The following ERC2 variants were observed in gnomAD, a reference collection of about 807,000 sequenced individuals.
ERC2 encodes ERC protein 2.
In ERC2, 42 loss-of-function variants were observed where a neutral mutation model predicts 114.8. That is an observed-to-expected ratio of 0.37 (90% confidence interval 0.29 to 0.47). The LOEUF (loss-of-function observed/expected upper bound fraction) is 0.47, where lower values mean the gene tolerates loss of function less well. Among genes scored for constraint, ERC2 ranks in the 20% least tolerant of loss-of-function variants. The pLI, the probability that ERC2 is intolerant of heterozygous loss-of-function variation, is 0.99. For synonymous variants in ERC2, 454 were observed against 425.5 expected, an observed-to-expected ratio of 1.07 and a Z score of -0.82; for missense variants, 939 against 1,150.7, an observed-to-expected ratio of 0.82 and a Z score of 2.66.
At chr3:55,899,547 AC>A (rs1349722307) in intron 13 of ERC2, among the ~76,000 whole-genome samples, 1 of 152,110 alleles carries the variant, frequency 6.6e-6, no homozygotes, top group African/African-American at 2.4e-5. Flanking sequence ...TAAAAGTGTT[AC>A]AAAGAAATTA....
intron 13 of ERC2, among the ~76,000 whole-genome samples, chr3:55,909,501 C>T (rs145153313): frequency 5.3e-5 from 8 of 151,986 alleles, no homozygotes; most frequent in Admixed American, 2.0e-4. Context: ...TTTCTGCCTG[C>T]GGTGGCTGTG....
chr3:55,854,359 T>C (rs1230740245), intron 14 of ERC2, among the ~76,000 whole-genome samples: 2 of 151,278 alleles, frequency 1.3e-5, no homozygotes, highest in African/African-American at 4.9e-5. Flanking sequence ...TTTGCTTTTG[T>C]AGTTGTTTTG....
intron 17 of ERC2, among the ~76,000 whole-genome samples, chr3:55,593,838 A>T (rs2058015493): frequency 6.6e-6 from 1 of 151,500 alleles, no homozygotes; most frequent in Non-Finnish European, 1.5e-5. Flanking sequence ...AACTCTTTCT[A>T]CTCTGGAGCC....
chr3:56,455,942 G>A (rs111606802), intron 1 of ERC2, among the ~76,000 whole-genome samples: 1 of 152,178 alleles, frequency 6.6e-6, no homozygotes, highest in Non-Finnish European at 1.5e-5. Context: ...AGTTAGATAA[G>A]CTCCCCAGAT....
intron 15 of ERC2, among the ~76,000 whole-genome samples, chr3:55,720,880 T>C (rs1404443680): frequency 2.6e-5 from 4 of 152,354 alleles, no homozygotes; most frequent in Admixed American, 6.5e-5. Context: ...ATCTTGTACA[T>C]TTCTTTAATC....
At chr3:55,567,142 C>G (rs2056427306) in intron 17 of ERC2, among the ~76,000 whole-genome samples, 1 of 152,140 alleles carries the variant, frequency 6.6e-6, no homozygotes, top group Non-Finnish European at 1.5e-5. Context: ...AATATGCAAA[C>G]AAGATCCTTC....
chr3:56,048,541 C>T (rs892705352), intron 7 of ERC2, among the ~76,000 whole-genome samples: 8 of 152,154 alleles, frequency 5.3e-5, no homozygotes, highest in African/African-American at 9.7e-5. Context: ...TGACTACATA[C>T]TATTAGCACC....
intron 14 of ERC2, among the ~76,000 whole-genome samples, chr3:55,851,924 A>C (rs1281388884): frequency 6.6e-6 from 1 of 152,146 alleles, no homozygotes; most frequent in Non-Finnish European, 1.5e-5. Flanking sequence ...TTAACATATT[A>C]ATTTATTGCT....
At chr3:55,835,483 C>T (rs1559736066) in intron 14 of ERC2, among the ~76,000 whole-genome samples, 1 of 152,116 alleles carries the variant, frequency 6.6e-6, no homozygotes, top group Non-Finnish European at 1.5e-5. Context: ...AGCATATAAA[C>T]AGAACCAAAG....
At chr3:56,327,817 G>A (rs2057433660) in intron 2 of ERC2, among the ~76,000 whole-genome samples, 1 of 152,200 alleles carries the variant, frequency 6.6e-6, no homozygotes, top group Non-Finnish European at 1.5e-5. Flanking sequence ...TTTATATGAT[G>A]AAACTGAGTC....
At chr3:56,454,746 G>T (rs1397550052) in intron 1 of ERC2, among the ~76,000 whole-genome samples, 1 of 151,790 alleles carries the variant, frequency 6.6e-6, no homozygotes, top group East Asian at 1.9e-4. Context: ...AGCTACTTGG[G>T]AGGCTGAGGC....
intron 9 of ERC2, among the ~76,000 whole-genome samples, chr3:56,008,441 C>A (rs1354456609): frequency 6.6e-6 from 1 of 152,118 alleles, no homozygotes; most frequent in Non-Finnish European, 1.5e-5. Context: ...GTCTACAATT[C>A]CAATTTCAAT....
intron 14 of ERC2, among the ~76,000 whole-genome samples, chr3:55,824,151 A>C (rs1170461840): frequency 6.6e-6 from 1 of 152,210 alleles, no homozygotes; most frequent in African/African-American, 2.4e-5. Context: ...TTTTCTCTTT[A>C]AAGACCTAAC....
rs918320711 is a variant in ERC2, at chr3:55,888,567, C to T, written c.2404-18G>A. The T allele has an allele frequency of 6.2e-7, 1 of 1,612,478 alleles. No individual in the cohort carries two copies. Among genetic ancestry groups the T allele is most frequent in the Admixed American group, 1.7e-5 (1 of 59,976 alleles). On this transcript the variant is annotated intron_variant, in intron 13 of 17. Coordinates refer to ENST00000288221, the MANE Select transcript of ERC2 (RefSeq NM_015576.3). ...TCCTCTATCTGAAAGGCACATGGAGCTCTGTGTGTTATTTCTCCTTCATTC... is the reference window on the plus strand; with the variant it reads ...TCCTCTATCTGAAAGGCACATGGAGTTCTGTGTGTTATTTCTCCTTCATTC...
intron 3 of ERC2, among the ~76,000 whole-genome samples, chr3:56,174,159 T>A (rs2082839902): frequency 6.6e-6 from 1 of 152,244 alleles, no homozygotes; most frequent in South Asian, 2.1e-4. Flanking sequence ...GAGAAAAAAA[T>A]TGTTAAAGCC....
chr3:56,379,800 G>A (rs1366500670), intron 2 of ERC2, among the ~76,000 whole-genome samples: 1 of 152,178 alleles, frequency 6.6e-6, no homozygotes, highest in Non-Finnish European at 1.5e-5. Flanking sequence ...AGGAAGGGAA[G>A]GGAATGAAAT....
At chr3:56,211,861 C>G (rs953086260) in intron 3 of ERC2, among the ~76,000 whole-genome samples, 4 of 152,112 alleles carry the variant, frequency 2.6e-5, no homozygotes, top group African/African-American at 9.7e-5. Flanking sequence ...AAAGAACACC[C>G]TATTCAACAA....
At chr3:56,093,797 C>A (rs2077914829) in intron 6 of ERC2, among the ~76,000 whole-genome samples, 2 of 151,958 alleles carry the variant, frequency 1.3e-5, no homozygotes, top group African/African-American at 4.8e-5. Context: ...TAGGTGTCTA[C>A]AAGGTTGTTT....
chr3:55,829,233 T>G (rs140250363), intron 14 of ERC2, among the ~76,000 whole-genome samples: 1 of 152,304 alleles, frequency 6.6e-6, no homozygotes, highest in Non-Finnish European at 1.5e-5. Flanking sequence ...TACTCAGATA[T>G]TGACAATATC....
Sources: gnomAD v4.1 joint callset for allele counts (sites outside exome capture counted in the v4.1 genomes callset) on GRCh38, gnomAD v4.1.1 for gene constraint, MANE v1.5 for transcripts, NCBI Gene and HGNC (gene_info 2026-07-23, HGNC 2026-07-21) for gene names.